The following RBMS3 variants were observed in gnomAD, a reference collection of about 807,000 sequenced individuals.
RBMS3 encodes RNA binding motif single stranded interacting protein 3.
Under a neutral mutation model 66.8 loss-of-function variants are expected in RBMS3, and 27 were observed. The observed-to-expected ratio is 0.40, with a 90% CI of 0.30 to 0.56. The LOEUF (loss-of-function observed/expected upper bound fraction) is 0.56, where lower values mean the gene tolerates loss of function less well. Ranked by LOEUF, RBMS3 falls within the 20% of genes least tolerant of loss-of-function variation. RBMS3 has a pLI of 0.40. For synonymous variants in RBMS3, 188 were observed against 183.0 expected (o/e 1.03, Z -0.22); for missense variants, 513 against 549.5 (o/e 0.93, Z 0.66).
chr3:29,571,998 T>C (rs890934538), intron 3 of RBMS3, among the ~76,000 whole-genome samples: 2 of 151,886 alleles, frequency 1.3e-5, no homozygotes, highest in Admixed American at 6.6e-5. Context: ...ATTTTTCTTC[T>C]TTGATTAATT....
chr3:29,283,563 G>T (rs2032004342), intron 1 of RBMS3, among the ~76,000 whole-genome samples: 1 of 152,058 alleles, frequency 6.6e-6, no homozygotes. Context: ...TATCTGTTTT[G>T]GAGTTCTATG....
rs180955996 is a variant in RBMS3 at position 29,498,071 on chromosome 3, C to A, written c.307+9572C>A. Reference sequence around the variant, plus strand: ...GTGCAGTGGTGCGATCTCAGTTCACCGCAACCTCCGCCTCCCGGGTTCAAA... The same window carrying A: ...GTGCAGTGGTGCGATCTCAGTTCACAGCAACCTCCGCCTCCCGGGTTCAAA... On this transcript the variant is annotated intron_variant, in intron 3 of 14. Coordinates refer to ENST00000383767, the MANE Select transcript of RBMS3 (RefSeq NM_001003793.3). Among the ~76,000 whole-genome samples the A allele has an allele frequency of 3.1e-3, 430 of 137,210 alleles. 2 individuals carry two copies. Among genetic ancestry groups the A allele is most frequent in the Non-Finnish European group, 4.6e-3 (302 of 65,534 alleles). The allele number at this position is 137,210 out of a possible 152,430, so 90.0% of individuals were successfully genotyped here.
intron 3 of RBMS3, among the ~76,000 whole-genome samples, chr3:29,490,899 A>G (rs2043518031): frequency 6.6e-6 from 1 of 152,066 alleles, no homozygotes; most frequent in African/African-American, 2.4e-5. Flanking sequence ...AATATTAATC[A>G]AGCACCAATC....
At chr3:29,998,691 G>A (rs1028994387) in intron 14 of RBMS3, among the ~76,000 whole-genome samples, 2 of 152,158 alleles carry the variant, frequency 1.3e-5, no homozygotes, top group South Asian at 4.1e-4. Flanking sequence ...AATAAATGGT[G>A]CTGGGAAAAC....
chr3:29,703,506 G>A (rs1209906011), intron 4 of RBMS3, among the ~76,000 whole-genome samples: 1 of 152,180 alleles, frequency 6.6e-6, no homozygotes, highest in Admixed American at 6.5e-5. Flanking sequence ...TTCTATCTTA[G>A]TACATGTAGG....
intron 3 of RBMS3, among the ~76,000 whole-genome samples, chr3:29,512,573 A>C (rs1417295228): frequency 6.6e-6 from 1 of 152,188 alleles, no homozygotes. Flanking sequence ...TATTTGATCC[A>C]TCCTACTTTA....
intron 1 of RBMS3, among the ~76,000 whole-genome samples, chr3:29,315,293 A>G (rs1284189324): frequency 6.6e-6 from 1 of 151,682 alleles, no homozygotes; most frequent in Non-Finnish European, 1.5e-5. Flanking sequence ...TTCTAGTTGA[A>G]AAAAACCCAA....
At chr3:29,910,175 G>A (rs1438291532) in intron 10 of RBMS3, among the ~76,000 whole-genome samples, 1 of 152,016 alleles carries the variant, frequency 6.6e-6, no homozygotes, top group Non-Finnish European at 1.5e-5. Context: ...AAGAAAATAT[G>A]CAGCTAAAAT....
chr3:29,846,160 A>G (rs549184694), intron 6 of RBMS3, among the ~76,000 whole-genome samples: 1 of 152,252 alleles, frequency 6.6e-6, no homozygotes, highest in Admixed American at 6.5e-5. Flanking sequence ...TTGAAAGATC[A>G]TTCTGACTAT....
intron 12 of RBMS3, among the ~76,000 whole-genome samples, chr3:29,969,700 A>G (rs1697099812): frequency 6.6e-6 from 1 of 152,216 alleles, no homozygotes; most frequent in African/African-American, 2.4e-5. Context: ...ACAAATGATC[A>G]GGATACACTA....
At chr3:29,338,199 T>G (rs1389789612) in intron 1 of RBMS3, among the ~76,000 whole-genome samples, 3 of 152,218 alleles carry the variant, frequency 2.0e-5, no homozygotes, top group Non-Finnish European at 4.4e-5. Flanking sequence ...ATTTTGTCTT[T>G]GATTTGCATT....
chr3:29,458,407 G>A (rs993611318), intron 2 of RBMS3, among the ~76,000 whole-genome samples: 1 of 152,098 alleles, frequency 6.6e-6, no homozygotes, highest in African/African-American at 2.4e-5. Flanking sequence ...TGGGTATCCA[G>A]AGGGAATTGG....
intron 1 of RBMS3, among the ~76,000 whole-genome samples, chr3:29,328,504 CG>C (rs1291991471): frequency 2.0e-5 from 3 of 152,146 alleles, no homozygotes; most frequent in African/African-American, 4.8e-5. Flanking sequence ...TTGCTTTCCA[CG>C]GTTCCATGAA....
chr3:29,479,822 T>C (rs2043070437), intron 2 of RBMS3, among the ~76,000 whole-genome samples: 1 of 152,168 alleles, frequency 6.6e-6, no homozygotes, highest in African/African-American at 2.4e-5. Context: ...AATCAAGGTC[T>C]TTCAAAAAAA....
chr3:29,631,220 A>G (rs558084362), intron 4 of RBMS3, among the ~76,000 whole-genome samples: 37 of 152,072 alleles, frequency 2.4e-4, no homozygotes, highest in Non-Finnish European at 4.9e-4. Flanking sequence ...ACATAAAAAT[A>G]AGAACATTCC....
At chr3:29,564,660 A>G (rs1374948133) in intron 3 of RBMS3, among the ~76,000 whole-genome samples, 1 of 152,080 alleles carries the variant, frequency 6.6e-6, no homozygotes, top group Non-Finnish European at 1.5e-5. Flanking sequence ...ATTGATATGT[A>G]TATTTTGGAC....
chr3:29,988,026 G>A, intron 12 of RBMS3, 117 bp from the exon 13 acceptor site: 1 of 772,632 alleles, frequency 1.3e-6, no homozygotes. Context: ...ATTGAGCTGG[G>A]AAAAAATACA....
chr3:29,736,470 T>G (rs2054383155), intron 4 of RBMS3, among the ~76,000 whole-genome samples: 1 of 152,246 alleles, frequency 6.6e-6, no homozygotes, highest in Non-Finnish European at 1.5e-5. Flanking sequence ...GATAAACTGG[T>G]GCACTGATGC....
At chr3:29,548,836 A>T (rs2046073023) in intron 3 of RBMS3, among the ~76,000 whole-genome samples, 1 of 152,104 alleles carries the variant, frequency 6.6e-6, no homozygotes, top group Non-Finnish European at 1.5e-5. Flanking sequence ...TACCACCAAG[A>T]ATATAGAAAA....
Sources: allele counts gnomAD v4.1 joint callset (sites outside exome capture counted in the v4.1 genomes callset), GRCh38; gene constraint gnomAD v4.1.1; transcripts MANE v1.5; gene names NCBI Gene and HGNC (gene_info 2026-07-23, HGNC 2026-07-21).